The following LTBP2 variants were observed in gnomAD, a reference collection of about 807,000 sequenced individuals.
The protein encoded by LTBP2 is latent-transforming growth factor beta-binding protein 2.
Under a neutral mutation model 210.6 loss-of-function variants are expected in LTBP2, and 103 were observed. The ratio of observed to expected loss-of-function variants is 0.49; its 90% CI spans 0.42 to 0.58. The LOEUF (loss-of-function observed/expected upper bound fraction) is 0.58, where lower values mean the gene tolerates loss of function less well. Ranked by LOEUF, LTBP2 falls within the 20% of genes least tolerant of loss-of-function variation. The pLI is 0.00. For missense variants in LTBP2, 2,313 were observed against 2,494.5 expected, an observed-to-expected ratio of 0.93 and a Z score of 1.55; for synonymous variants, 1,007 against 1,015.0, an observed-to-expected ratio of 0.99 and a Z score of 0.15.
intron 3 of LTBP2, among the ~76,000 whole-genome samples, chr14:74,556,798 G>A (rs1427580546): frequency 6.6e-6 from 1 of 152,226 alleles, no homozygotes; most frequent in African/African-American, 2.4e-5. Flanking sequence ...GATTACAGGC[G>A]TGAGCCACTG....
At chr14:74,567,975 G>A (rs1039383900) in intron 3 of LTBP2, among the ~76,000 whole-genome samples, 2 of 152,154 alleles carry the variant, frequency 1.3e-5, no homozygotes, top group African/African-American at 4.8e-5. Context: ...AACGTGCACC[G>A]TCCCATCAGG....
At chr14:74,506,847 T>C in intron 26 of LTBP2, 24 bp from the exon 27 acceptor site, 2 of 1,607,288 alleles carry the variant, frequency 1.2e-6, no homozygotes, top group African/African-American at 1.4e-5. Flanking sequence ...GGAACCAGGA[T>C]AGAGGATGTG....
intron 3 of LTBP2, among the ~76,000 whole-genome samples, chr14:74,583,077 T>C (rs2139785094): frequency 6.6e-6 from 1 of 152,328 alleles, no homozygotes; most frequent in South Asian, 2.1e-4. Flanking sequence ...AGTCCACATC[T>C]GGCCCTCTGT....
At chr14:74,532,608 G>C in intron 9 of LTBP2, 60 bp from the exon 10 acceptor site, 1 of 1,595,464 alleles carries the variant, frequency 6.3e-7, no homozygotes. Context: ...GGAGCAGAGG[G>C]GCTGGGCAGA....
chr14:74,603,223 G>C (rs1566656947), intron 2 of LTBP2, among the ~76,000 whole-genome samples: 1 of 152,176 alleles, frequency 6.6e-6, no homozygotes, highest in South Asian at 2.1e-4. Flanking sequence ...TGCCTCCCAG[G>C]TTCAAGTGAT....
chr14:74,573,350 C>T (rs978018147), intron 3 of LTBP2, among the ~76,000 whole-genome samples: 7 of 152,244 alleles, frequency 4.6e-5, no homozygotes, highest in African/African-American at 1.7e-4. Context: ...CCACTTGCCC[C>T]TGGATCCCTC....
At chr14:74,605,548 C>A (rs940632679) in intron 1 of LTBP2, among the ~76,000 whole-genome samples, 1 of 152,224 alleles carries the variant, frequency 6.6e-6, no homozygotes, top group Admixed American at 6.5e-5. Context: ...TATGTCACCA[C>A]CCCTTGTGGT....
intron 32 of LTBP2, 28 bp downstream of exon 32, chr14:74,503,441 C>A: frequency 6.2e-7 from 1 of 1,609,382 alleles, no homozygotes; most frequent in Non-Finnish European, 8.5e-7. Flanking sequence ...TACCCTTCTC[C>A]TGCTCCCCCA....
chr14:74,515,841 T>A (rs896421800), intron 18 of LTBP2, among the ~76,000 whole-genome samples: 2 of 152,058 alleles, frequency 1.3e-5, no homozygotes, highest in Non-Finnish European at 1.5e-5. Context: ...GGCCTGAGTT[T>A]TAAAGGGGGA....
At chr14:74,555,177 G>A (rs1033478529) in intron 4 of LTBP2, among the ~76,000 whole-genome samples, 2 of 152,122 alleles carry the variant, frequency 1.3e-5, no homozygotes, top group African/African-American at 2.4e-5. Context: ...GTTTGTAGGA[G>A]GGATGAGGTG....
intron 2 of LTBP2, among the ~76,000 whole-genome samples, chr14:74,594,386 A>G (rs770671010): frequency 8.2e-4 from 125 of 152,106 alleles, no homozygotes; most frequent in Middle Eastern, 6.8e-3. Context: ...GGTCTGGGGG[A>G]AGAACTTCAA....
Position 74,500,824 on chromosome 14 carries a change from A to C in LTBP2, c.*60T>G. On this transcript the variant is annotated 3_prime_UTR_variant, in exon 36 of 36. Transcript: ENST00000261978. ...TCTTCCCAGCTAGGAAATCATCCTC[A>C]AGGCCCCTGCCTGTGACTGGAGGCC... is the stretch of plus-strand genomic sequence containing the variant. The C allele has an allele frequency of 6.2e-7, 1 of 1,608,552 alleles. No individual in the cohort carries two copies. The highest frequency in any genetic ancestry group is 1.1e-5 in the South Asian group (1 of 90,926).
chr14:74,597,682 A>G, intron 2 of LTBP2, among the ~76,000 whole-genome samples: 1 of 152,214 alleles, frequency 6.6e-6, no homozygotes. Context: ...GGGTACCCCC[A>G]TGCAGGGGTA....
Position 74,507,416 on chromosome 14 carries a change from A to G in LTBP2, c.3776-106T>C, listed in dbSNP as rs1276083650. Reference sequence around the variant, plus strand: ...CTCTGGGGTTCTTGATCTATTCCAAATTACTGTGCTCATCCCAACCCCAGC... The same window carrying G: ...CTCTGGGGTTCTTGATCTATTCCAAGTTACTGTGCTCATCCCAACCCCAGC... On this transcript the variant is annotated intron_variant, in intron 25 of 35. Transcript: ENST00000261978. 11 of 1,487,742 alleles carry G rather than the reference A, an allele frequency of 7.4e-6. 1 individual carries two copies. The highest frequency in any genetic ancestry group is 6.8e-5 in the South Asian group (6 of 87,900). 92.2% of individuals were successfully genotyped at this position (1,487,742 alleles called of 1,614,324 possible). A position where few individuals can be genotyped will look rare whatever the true frequency, so the allele number is the denominator to read the frequency against.
chr14:74,554,237 C>T (rs1477575805), intron 4 of LTBP2, among the ~76,000 whole-genome samples: 1 of 152,116 alleles, frequency 6.6e-6, no homozygotes, highest in Non-Finnish European at 1.5e-5. Context: ...CAGGAACTCA[C>T]GCCTGCAGTC....
At chr14:74,540,751 C>A (rs1469956716) in intron 8 of LTBP2, among the ~76,000 whole-genome samples, 3 of 129,328 alleles carry the variant, frequency 2.3e-5, no homozygotes, top group East Asian at 2.1e-4. Context: ...GGCAACAGAG[C>A]GAGACTCCAT....
At chr14:74,596,421 G>A (rs1595299458) in intron 2 of LTBP2, among the ~76,000 whole-genome samples, 1 of 152,130 alleles carries the variant, frequency 6.6e-6, no homozygotes, top group Non-Finnish European at 1.5e-5. Context: ...ACAGAGACTG[G>A]GTAGATGACA....
chr14:74,534,389 C>T (rs1242958569), intron 9 of LTBP2, among the ~76,000 whole-genome samples: 1 of 152,186 alleles, frequency 6.6e-6, no homozygotes, highest in African/African-American at 2.4e-5. Context: ...TGGGACACTC[C>T]AGACAGCACA....
intron 8 of LTBP2, among the ~76,000 whole-genome samples, chr14:74,549,332 G>T (rs74848828): frequency 3.2e-4 from 40 of 126,778 alleles, no homozygotes; most frequent in African/African-American, 9.8e-4. Flanking sequence ...ATGAATGAAT[G>T]AATTAACACA....
Sources: gnomAD v4.1 joint callset for allele counts (sites outside exome capture counted in the v4.1 genomes callset) on GRCh38, gnomAD v4.1.1 for gene constraint, MANE v1.5 for transcripts, NCBI Gene and HGNC (gene_info 2026-07-23, HGNC 2026-07-21) for gene names.